SIMC1: variants seen among roughly 807,000 people sequenced by gnomAD.
The protein encoded by SIMC1 is SUMO-interacting motif-containing protein 1.
SIMC1 carries 55 observed loss-of-function variants against 82.3 expected under a neutral mutation model. The ratio of observed to expected loss-of-function variants is 0.67; its 90% CI spans 0.54 to 0.84. The LOEUF (loss-of-function observed/expected upper bound fraction) is 0.84, where lower values mean the gene tolerates loss of function less well. SIMC1 is among the 40% of genes least tolerant of loss of function. The pLI, the probability that SIMC1 is intolerant of heterozygous loss-of-function variation, is 0.00. For missense variants in SIMC1, 915 were observed against 1,107.2 expected, an observed-to-expected ratio of 0.83 and a Z score of 2.46; for synonymous variants, 353 against 426.3, an observed-to-expected ratio of 0.83 and a Z score of 2.12.
intron 6 of SIMC1, among the ~76,000 whole-genome samples, chr5:176,323,822 T>TA (rs969073802): frequency 1.3e-5 from 2 of 151,332 alleles, no homozygotes; most frequent in Admixed American, 1.3e-4. Flanking sequence ...CCGTCTCTAC[T>TA]AAAAAAATAC....
chr5:176,293,100 G>A (rs1434333495), intron 2 of SIMC1, among the ~76,000 whole-genome samples: 1 of 151,982 alleles, frequency 6.6e-6, no homozygotes, highest in Non-Finnish European at 1.5e-5. Flanking sequence ...AATAATAATA[G>A]TATGTATTTC....
rs558216013 is a variant in SIMC1 at position 176,280,620 on chromosome 5, C to G, written c.130-9034C>G. On this transcript the variant is annotated intron_variant, in intron 1 of 9. Coordinates refer to ENST00000429602, the MANE Select transcript of SIMC1 (RefSeq NM_001308195.2). ...AGTGCTTCCTTCAGGAGCTCTTGTA[C>G]GGCAGGCCTGGTGGTGACAAAATCT... 3.5e-3 allele frequency among the ~76,000 whole-genome samples: 539 copies of G among 151,948 alleles called. 2 individuals carry two copies. The highest frequency in any genetic ancestry group is 0.01 in the Middle Eastern group (3 of 294).
intron 1 of SIMC1, among the ~76,000 whole-genome samples, chr5:176,264,312 T>A (rs1386536222): frequency 6.6e-6 from 1 of 152,286 alleles, no homozygotes; most frequent in Non-Finnish European, 1.5e-5. Flanking sequence ...CCCTTGGCAC[T>A]GCCCTAGTAG....
chr5:176,249,062 T>G (rs570795358), intron 1 of SIMC1, among the ~76,000 whole-genome samples: 153 of 152,284 alleles, frequency 1.0e-3, no homozygotes, highest in African/African-American at 3.4e-3. Context: ...CTGAAATTTT[T>G]TTGTTGTTGT....
chr5:176,262,565 G>A (rs144433789), intron 1 of SIMC1, among the ~76,000 whole-genome samples: 2,080 of 152,320 alleles, frequency 0.014, 22 homozygotes, highest in Non-Finnish European at 0.022. Context: ...AGCACTTTGG[G>A]AGGCCAAGGC....
intron 9 of SIMC1, among the ~76,000 whole-genome samples, chr5:176,339,193 C>T (rs555175787): frequency 1.1e-3 from 169 of 152,200 alleles, no homozygotes; most frequent in African/African-American, 4.0e-3. Flanking sequence ...GAAACCCCGT[C>T]TCTACTAAAA....
At chr5:176,338,697 T>C (rs1290996677) in intron 9 of SIMC1, among the ~76,000 whole-genome samples, 3 of 151,882 alleles carry the variant, frequency 2.0e-5, no homozygotes, top group South Asian at 4.2e-4. Flanking sequence ...CCCATGATCA[T>C]ATTTATGTTT....
intron 4 of SIMC1, among the ~76,000 whole-genome samples, chr5:176,304,774 A>C (rs1312783097): frequency 6.7e-6 from 1 of 149,758 alleles, no homozygotes; most frequent in Non-Finnish European, 1.5e-5. Flanking sequence ...TCCATCTAGG[A>C]AGTGAGGAGC....
chr5:176,296,154 A>C, intron 3 of SIMC1, 97 bp from the exon 4 acceptor site: 1 of 1,591,694 alleles, frequency 6.3e-7, no homozygotes, highest in Non-Finnish European at 8.6e-7. Context: ...AGGATAATGG[A>C]GGATAGGAAG....
At chr5:176,256,462 T>C (rs1353331488) in intron 1 of SIMC1, among the ~76,000 whole-genome samples, 2 of 152,194 alleles carry the variant, frequency 1.3e-5, no homozygotes, top group African/African-American at 2.4e-5. Flanking sequence ...CTATGGCATG[T>C]TTAGACCTTT....
At chr5:176,251,205 C>T (rs1209540581) in intron 1 of SIMC1, among the ~76,000 whole-genome samples, 1 of 152,170 alleles carries the variant, frequency 6.6e-6, no homozygotes, top group East Asian at 1.9e-4. Flanking sequence ...ACTAAAAATA[C>T]ACAAATTAGC....
At chr5:176,345,041 C>A in intron 9 of SIMC1, 142 bp from the exon 10 acceptor site, 1 of 1,002,360 alleles carries the variant, frequency 1.0e-6, no homozygotes, top group Non-Finnish European at 1.5e-6. Flanking sequence ...GGAGTTACTG[C>A]AGGCACTCAC....
intron 1 of SIMC1, among the ~76,000 whole-genome samples, chr5:176,276,459 T>TA (rs1438385578): frequency 6.7e-6 from 1 of 149,704 alleles, no homozygotes; most frequent in African/African-American, 2.4e-5. Flanking sequence ...CTTTTTTTTT[T>TA]ATTATACTTT....
Position 176,290,248 on chromosome 5 carries a change from T to G in SIMC1, c.724T>G (p.Cys242Gly). The change falls in exon 2 of 10, where the codon TGC becomes GGC. Residue 242 changes from cysteine (C) to glycine (G), a missense_variant. Physicochemically the swap from Cys to Gly is radical, Grantham distance 159. Around this residue, in one of 2 missense-constraint regions of SIMC1, gnomAD observed 902 missense variants for 1,040.3 expected, o/e 0.87. Transcript: ENST00000429602. ...ASPCPPRASS[C>G]PPRALSCPSQ... ...ACCATGTCCACCACGAGCCTCCTCA[T>G]GCCCACCACGAGCCTTGTCATGCCC... 6.2e-7 allele frequency: 1 copy of G among 1,610,716 alleles called. No homozygotes were observed. The highest frequency in any genetic ancestry group is 8.5e-7 in the Non-Finnish European group (1 of 1,178,654).
intron 1 of SIMC1, among the ~76,000 whole-genome samples, chr5:176,279,879 G>C (rs1468692958): frequency 6.6e-6 from 1 of 152,114 alleles, no homozygotes; most frequent in African/African-American, 2.4e-5. Context: ...TTTCTGAGGA[G>C]AGCTTTACTT....
At chr5:176,244,344 G>C (rs1450341208) in intron 1 of SIMC1, among the ~76,000 whole-genome samples, 1 of 127,802 alleles carries the variant, frequency 7.8e-6, no homozygotes. Context: ...CGATGCCTGT[G>C]GAATAGCCAA....
intron 5 of SIMC1, among the ~76,000 whole-genome samples, 162 bp downstream of exon 5, chr5:176,314,007 C>T (rs760872832): frequency 4.6e-5 from 7 of 152,172 alleles, no homozygotes; most frequent in Non-Finnish European, 7.3e-5. Flanking sequence ...TGATTCACAC[C>T]TGTAATCCCA....
chr5:176,280,049 G>T (rs1338145781), intron 1 of SIMC1, among the ~76,000 whole-genome samples: 1 of 152,202 alleles, frequency 6.6e-6, no homozygotes, highest in African/African-American at 2.4e-5. Context: ...CTGTCTTGTT[G>T]ATCTGTCTAA....
At position 176,341,652 on chromosome 5, in the gene SIMC1, A is replaced by C. The variant is rs367717616; in HGVS notation, c.2414-3531A>C. On this transcript the variant is annotated intron_variant, in intron 9 of 9. Coordinates refer to ENST00000429602, the MANE Select transcript of SIMC1 (RefSeq NM_001308195.2). ...AGGGCTCTTAAGTGACTGAGTCTGA[A>C]GGGTGACTCCCAGGGTTCTGCCATT... Among the ~76,000 whole-genome samples, 77 of 152,284 alleles carry C rather than the reference A, an allele frequency of 5.1e-4. 1 individual carries two copies. The South Asian group carries it at 0.013, about 27-fold the overall frequency.
Sources: gnomAD v4.1 joint callset for allele counts (sites outside exome capture counted in the v4.1 genomes callset) on GRCh38, gnomAD v4.1.1 for gene constraint, gnomAD v4.1.1 regional missense constraint, MANE v1.5 for transcripts, NCBI Gene and HGNC (gene_info 2026-07-23, HGNC 2026-07-21) for gene names.